HMGCS2: variants seen among roughly 807,000 people sequenced by gnomAD.
The protein encoded by HMGCS2 is 3-hydroxy-3-methylglutaryl-CoA synthase 2, also known as hydroxymethylglutaryl-CoA synthase, mitochondrial.
In HMGCS2, 50 loss-of-function variants were observed where a neutral mutation model predicts 57.4. That is an observed-to-expected ratio of 0.87 (90% CI 0.69 to 1.10). The LOEUF is 1.10. HMGCS2 is among the 50% of genes least tolerant of loss of function. The pLI is 0.00. For synonymous variants in HMGCS2, 254 were observed against 245.1 expected (o/e 1.04, Z -0.34); for missense variants, 627 against 636.5 (o/e 0.99, Z 0.16).
chr1:119,765,478 T>G (rs1653196881), intron 1 of HMGCS2, among the ~76,000 whole-genome samples: 1 of 152,202 alleles, frequency 6.6e-6, no homozygotes, highest in African/African-American at 2.4e-5. Context: ...CCTTTTAGAG[T>G]AAGCAAATAT....
At chr1:119,749,521 C>CAGT (rs1652578624) in intron 9 of HMGCS2, among the ~76,000 whole-genome samples, 1 of 152,108 alleles carries the variant, frequency 6.6e-6, no homozygotes, top group African/African-American at 2.4e-5. Context: ...GGCTCCCGGG[C>CAGT]AGTACCACAG....
In HMGCS2 at chr1:119,764,693, C is replaced by G. The variant is rs989262226; in HGVS notation, c.105-67G>C. ...AGACAATTTCCTCAAAAGACAGTAA[C>G]ATAGCAATCATTTAATTAATTTTCT... On this transcript the variant is annotated intron_variant, in intron 1 of 9. Coordinates refer to ENST00000369406, the MANE Select transcript of HMGCS2 (RefSeq NM_005518.4). 3.0e-5 allele frequency: 33 copies of G among 1,105,964 alleles called. 1 individual carries two copies. The Admixed American group carries it at 6.5e-4, about 22-fold the overall frequency. 68.5% of individuals were successfully genotyped at this position (1,105,964 alleles called of 1,614,324 possible).
At position 119,759,183 on chromosome 1, in the gene HMGCS2, T is replaced by C. The variant is rs1466691522; in HGVS notation, c.785A>G (p.Tyr262Cys). The change falls in exon 4 of 10, where the codon TAC (tyrosine) becomes TGC (cysteine). Residue 262 changes from tyrosine (Y) to cysteine (C), a missense_variant. Coordinates refer to ENST00000369406, the MANE Select transcript of HMGCS2 (RefSeq NM_005518.4). ...GTAACATCGATCCAAGGCCCGCAAG[T>C]AGCACTGGATGGAAAGCTTCCCATC... ...IVDGKLSIQC[Y>C]LRALDRCYTS... is the part of the protein sequence containing the mutation. 6.2e-7 allele frequency: 1 copy of C among 1,614,018 alleles called. No homozygotes were observed. The highest frequency in any genetic ancestry group is 1.3e-5 in the African/African-American group (1 of 74,892).
chr1:119,749,400 C>G (rs1038074721), intron 9 of HMGCS2, among the ~76,000 whole-genome samples: 4 of 148,752 alleles, frequency 2.7e-5, no homozygotes, highest in East Asian at 2.2e-4. Flanking sequence ...TTCCCCCCTC[C>G]CTCCCTATTT....
intron 9 of HMGCS2, among the ~76,000 whole-genome samples, chr1:119,749,844 A>G (rs587626456): frequency 6.6e-6 from 1 of 152,326 alleles, no homozygotes. Context: ...AAACTTGAGC[A>G]TGGAGACTGC....
chr1:119,763,829 G>A (rs1653120706), intron 2 of HMGCS2, among the ~76,000 whole-genome samples: 2 of 152,136 alleles, frequency 1.3e-5, no homozygotes, highest in Non-Finnish European at 2.9e-5. Flanking sequence ...AGAGAAACAG[G>A]TACGGTAAAA....
In HMGCS2 at chr1:119,759,107, G is replaced by A; in HGVS notation, c.850+11C>T. 6.2e-7 allele frequency: 1 copy of A among 1,614,104 alleles called. No individual in the cohort carries two copies. Among genetic ancestry groups the A allele is most frequent in the South Asian group, 1.1e-5 (1 of 91,064 alleles). ...ATAGAGCCCCCACTTTCTGCCCTCT[G>A]AATCTCATACCTTGCTTCCACTGAT... On this transcript the variant is annotated intron_variant, in intron 4 of 9. Coordinates refer to ENST00000369406, the MANE Select transcript of HMGCS2 (RefSeq NM_005518.4).
At chr1:119,759,741 G>A (rs1033134173) in intron 3 of HMGCS2, 123 bp downstream of exon 3, 6 of 1,220,882 alleles carry the variant, frequency 4.9e-6, no homozygotes, top group Non-Finnish European at 7.2e-6. Context: ...CCTTTTTAGA[G>A]GCAAGCAATA....
At chr1:119,751,349 C>T (rs1652655333) in intron 8 of HMGCS2, among the ~76,000 whole-genome samples, 2 of 150,732 alleles carry the variant, frequency 1.3e-5, no homozygotes, top group Admixed American at 1.3e-4. Context: ...CTCAGAGGTC[C>T]TATTTTTCTT....
chr1:119,752,610 C>T lies in HMGCS2; in HGVS notation c.1359G>A (p.Lys453=). The T allele has an allele frequency of 6.2e-7, 1 of 1,614,140 alleles. No homozygotes were observed. The highest frequency in any genetic ancestry group is 1.1e-5 in the South Asian group (1 of 91,078). ...SDLPKRLASR[K]CVSPEEFTEI... ...CTGTGAACTCCTCAGGAGACACACA[C>T]TTTCGGGAGGCTAGGCGTTTTGGCA... Residue 453 remains lysine, a synonymous_variant, in exon 8 of 10, where the codon AAG becomes AAA. Coordinates refer to ENST00000369406, the MANE Select transcript of HMGCS2 (RefSeq NM_005518.4).
In HMGCS2 at chr1:119,764,432, T is replaced by C; in HGVS notation, c.299A>G (p.Glu100Gly). 6.2e-7 allele frequency: 1 copy of C among 1,614,156 alleles called. No homozygotes were observed. The highest frequency in any genetic ancestry group is 8.5e-7 in the Non-Finnish European group (1 of 1,179,962). The change falls in exon 2 of 10, where the codon GAG (glutamate) becomes GGG (glycine). Residue 100 changes from glutamate to glycine, a missense_variant. Coordinates refer to ENST00000369406, the MANE Select transcript of HMGCS2 (RefSeq NM_005518.4). ...CGTCAGGCACAGGGAGTTGATGTCC[T>C]CTTGGACTGAGCAGAAGCCCATACG... is the stretch of plus-strand genomic sequence containing the variant. Reference protein sequence around the residue: ...QTRMGFCSVQEDINSLCLTVV... With the variant: ...QTRMGFCSVQGDINSLCLTVV...
intron 2 of HMGCS2, among the ~76,000 whole-genome samples, chr1:119,761,581 C>T (rs587621651): frequency 1.4e-4 from 21 of 151,970 alleles, no homozygotes; most frequent in African/African-American, 3.6e-4. Flanking sequence ...CTGGCTAACA[C>T]GGTGAAATCC....
chr1:119,754,060 T>C (rs1652752416), intron 6 of HMGCS2, among the ~76,000 whole-genome samples: 1 of 30,298 alleles, frequency 3.3e-5, no homozygotes, highest in Non-Finnish European at 9.1e-5. Context: ...CCCAGCTAAT[T>C]TTTTTTTTTT....
In HMGCS2 at chr1:119,753,410, A is replaced by AACACACAC. The variant is rs71074435; in HGVS notation, c.1188-32_1188-25dup. On this transcript the variant is annotated intron_variant, in intron 6 of 9. Coordinates refer to ENST00000369406, the MANE Select transcript of HMGCS2 (RefSeq NM_005518.4). ...GGCTGTGGGGAAAGAAATCAAATAAAACACACACACACACACACACACACA... is the reference window on the plus strand; with the variant it reads ...GGCTGTGGGGAAAGAAATCAAATAAAACACACACACACACACACACACACACACACACA... The AACACACAC allele has an allele frequency of 1.1e-3, 835 of 747,140 alleles. 1 individual carries two copies. Among genetic ancestry groups the AACACACAC allele is most frequent in the African/African-American group, 7.6e-3 (426 of 56,334 alleles). The allele number at this position is 747,140 out of a possible 1,614,324, so 46.3% of individuals were successfully genotyped here.
chr1:119,763,910 C>T (rs187764622), intron 2 of HMGCS2, among the ~76,000 whole-genome samples: 1 of 152,304 alleles, frequency 6.6e-6, no homozygotes, highest in Admixed American at 6.5e-5. Flanking sequence ...ATCAGATCTT[C>T]CATGTTCTCT....
At chr1:119,762,047 A>G (rs2101268229) in intron 2 of HMGCS2, among the ~76,000 whole-genome samples, 1 of 152,346 alleles carries the variant, frequency 6.6e-6, no homozygotes, top group South Asian at 2.1e-4. Flanking sequence ...CTTACAATAC[A>G]ATGCCAAAAG....
chr1:119,758,513 C>T (rs587731448), intron 4 of HMGCS2, among the ~76,000 whole-genome samples: 2 of 152,324 alleles, frequency 1.3e-5, no homozygotes, highest in South Asian at 4.1e-4. Flanking sequence ...GCTGGGATTA[C>T]AGGCGTGAGC....
At chr1:119,749,106 A>G (rs1444296705) in intron 9 of HMGCS2, among the ~76,000 whole-genome samples, 1 of 152,188 alleles carries the variant, frequency 6.6e-6, no homozygotes, top group Non-Finnish European at 1.5e-5. Context: ...AGGGCGCTGC[A>G]GAGACCTGTA....
intron 2 of HMGCS2, among the ~76,000 whole-genome samples, chr1:119,760,571 G>A (rs1451953451): frequency 6.6e-6 from 1 of 152,112 alleles, no homozygotes; most frequent in Non-Finnish European, 1.5e-5. Context: ...GAATTGTGTG[G>A]CACTACTTTC....
Sources: gnomAD v4.1 joint callset for allele counts (sites outside exome capture counted in the v4.1 genomes callset) on GRCh38, gnomAD v4.1.1 for gene constraint, MANE v1.5 for transcripts, NCBI Gene and HGNC (gene_info 2026-07-23, HGNC 2026-07-21) for gene names.